DNAH2: variants seen among roughly 807,000 people sequenced by gnomAD.
The protein encoded by DNAH2 is dynein axonemal heavy chain 2, also known as axonemal beta dynein heavy chain 2.
In DNAH2, 323 loss-of-function variants were observed where a neutral mutation model predicts 523.5. The ratio of observed to expected loss-of-function variants is 0.62; its 90% CI spans 0.56 to 0.68. DNAH2 has a LOEUF of 0.68. Ranked by LOEUF, DNAH2 falls within the 30% of genes least tolerant of loss-of-function variation. DNAH2 has a pLI of 0.00. For synonymous variants in DNAH2, 2,093 were observed against 2,177.4 expected (o/e 0.96, Z 1.08); for missense variants, 4,907 against 5,701.5 (o/e 0.86, Z 4.49).
intron 5 of DNAH2, among the ~76,000 whole-genome samples, chr17:7,733,726 C>T (rs1344660567): frequency 6.6e-6 from 1 of 152,126 alleles, no homozygotes; most frequent in African/African-American, 2.4e-5. Context: ...ATCCACCCGC[C>T]TTGGCCGCCC....
Position 7,794,293 on chromosome 17 carries a change from G to A in DNAH2, c.7609G>A (p.Gly2537Arg). 6.2e-7 allele frequency: 1 copy of A among 1,609,966 alleles called. No homozygotes were observed. Among genetic ancestry groups the A allele is most frequent in the Admixed American group, 1.7e-5 (1 of 59,458 alleles). ...GGCTGCCATGGGCCCCCCTGGGGGTGGACGGACTGTCATCTCCCCAAGGCT... is the reference window on the plus strand; with the variant it reads ...GGCTGCCATGGGCCCCCCTGGGGGTAGACGGACTGTCATCTCCCCAAGGCT... ...LMAAMGPPGG[G>R]RTVISPRLRS... Residue 2537 changes from glycine (G) to arginine (R), a missense_variant, in exon 49 of 86, where the codon GGA (glycine) becomes AGA (arginine). Gly to Arg is a moderately radical substitution (Grantham distance 125). Around this residue, in one of 3 missense-constraint regions of DNAH2, gnomAD observed 250 missense variants for 371.3 expected, o/e 0.67. Coordinates refer to ENST00000572933, the MANE Select transcript of DNAH2 (RefSeq NM_020877.5).
chr17:7,787,041 A>G lies in DNAH2; in HGVS notation c.6603+8A>G, dbSNP rs1056354925. 2 of 1,613,710 alleles carry G rather than the reference A, an allele frequency of 1.2e-6. No homozygotes were observed. The highest frequency in any genetic ancestry group is 2.2e-5 in the East Asian group (1 of 44,856). ...ATCGCGATGCCCGAGCAGGTCAGGG[A>G]CGCGGCTGACTCCTGGAGGCCTGCA... is the stretch of plus-strand genomic sequence containing the variant. On this transcript the variant is annotated splice_region_variant and intron_variant, in intron 42 of 85. Transcript: ENST00000572933.
Position 7,737,055 on chromosome 17 carries a change from C to G in DNAH2, c.979-12C>G. 6.2e-7 allele frequency: 1 copy of G among 1,610,954 alleles called. No individual in the cohort carries two copies. The highest frequency in any genetic ancestry group is 2.2e-5 in the East Asian group (1 of 44,790). On this transcript the variant is annotated splice_polypyrimidine_tract_variant and intron_variant, in intron 7 of 85. Transcript: ENST00000572933. ...GTGCATAAATCTATTTCTCATCTCT[C>G]TTTACTGCCAGGATGGCTCTCGTCA... is the stretch of plus-strand genomic sequence containing the variant.
chr17:7,784,323 G>C (rs1337863771), intron 39 of DNAH2, among the ~76,000 whole-genome samples: 1 of 152,122 alleles, frequency 6.6e-6, no homozygotes, highest in Non-Finnish European at 1.5e-5. Flanking sequence ...GGATATAGAA[G>C]ATTTGAAGAA....
At chr17:7,819,570 C>T (rs910636728) in intron 72 of DNAH2, among the ~76,000 whole-genome samples, 162 bp downstream of exon 72, 1 of 152,220 alleles carries the variant, frequency 6.6e-6, no homozygotes, top group South Asian at 2.1e-4. Context: ...TAACCATCAC[C>T]TGTGGGCTGA....
chr17:7,814,866 CA>C (rs1396575440), intron 63 of DNAH2, among the ~76,000 whole-genome samples: 1 of 152,208 alleles, frequency 6.6e-6, no homozygotes, highest in African/African-American at 2.4e-5. Context: ...AACAAACAAA[CA>C]AAGTAGTTTG....
In DNAH2 at chr17:7,796,515, G is replaced by C. The variant is rs1305964659; in HGVS notation, c.7726G>C (p.Asp2576His). 1 of 1,613,764 alleles carries C rather than the reference G, an allele frequency of 6.2e-7. No individual in the cohort carries two copies. The highest frequency in any genetic ancestry group is 8.5e-7 in the Non-Finnish European group (1 of 1,179,986). Residue 2576 changes from aspartate to histidine, a missense_variant, in exon 50 of 86, where the codon GAC becomes CAC. Asp to His is a moderately conservative substitution (Grantham distance 81). This residue lies in a region of DNAH2 where 250 missense variants were observed against 371.3 expected (regional missense o/e 0.67). Coordinates refer to ENST00000572933, the MANE Select transcript of DNAH2 (RefSeq NM_020877.5). ...CACCATGATCAATCAGAAGCTTCAG[G>C]ACTTTGAGGAAGAGGTGAAGCCCAT... ...FGTMINQKLQ[D>H]FEEEVKPIGN...
chr17:7,743,510 A>G (rs889920465), intron 12 of DNAH2: 1 of 625,638 alleles, frequency 1.6e-6, no homozygotes, highest in African/African-American at 1.8e-5. Context: ...TGCAAAAAAT[A>G]CAAAGATTAG....
In DNAH2 at chr17:7,823,543, C is replaced by T. The variant is rs780308724; in HGVS notation, c.11244C>T (p.His3748=). 4.0e-5 allele frequency: 64 copies of T among 1,614,086 alleles called. 1 individual carries two copies. In the Middle Eastern group the frequency reaches 4.9e-4, roughly 12 times the overall value. The stretch of plus-strand genomic sequence containing the variant: ...AGCTAGACAAACTGACCAACTTCCA[C>T]GGACTCATGAACTCCTTTGAGCAGT... ...ITELDKLTNF[H]GLMNSFEQYP... Residue 3748 remains histidine, a synonymous_variant, in exon 74 of 86, where the codon CAC becomes CAT. Coordinates refer to ENST00000572933, the MANE Select transcript of DNAH2 (RefSeq NM_020877.5).
intron 77 of DNAH2, among the ~76,000 whole-genome samples, chr17:7,830,072 C>T (rs1390781722): frequency 6.6e-6 from 1 of 150,388 alleles, no homozygotes; most frequent in African/African-American, 2.5e-5. Flanking sequence ...GAAGGCAGGG[C>T]TGCCGCAAGC....
In DNAH2 at chr17:7,805,265, T is replaced by G; in HGVS notation, c.9314T>G (p.Leu3105Arg). 1 of 1,614,186 alleles carries G rather than the reference T, an allele frequency of 6.2e-7. No homozygotes were observed. The highest frequency in any genetic ancestry group is 8.5e-7 in the Non-Finnish European group (1 of 1,180,038). The change falls in exon 61 of 86, where the codon CTG (leucine) becomes CGG (arginine). Residue 3105 changes from leucine to arginine, a missense_variant. Transcript: ENST00000572933. ...LEEAMRALES[L>R]NKKDIGEIKS... ...CTTTTCCCCCAGGCCCTGGAGTCTC[T>G]GAACAAGAAGGATATAGGAGAGATC...
chr17:7,770,855 C>T lies in DNAH2; in HGVS notation c.4284C>T (p.His1428=). ...FVKAFEKDVD[H]WERCLSLILE... ...AGGCCTTTGAGAAGGATGTGGACCA[C>T]TGGGAACGCTGCCTCTCCCTCATTT... The change falls in exon 27 of 86, where the codon CAC becomes CAT. Residue 1428 remains histidine (H), a synonymous_variant. Coordinates refer to ENST00000572933, the MANE Select transcript of DNAH2 (RefSeq NM_020877.5). 1 of 1,614,208 alleles carries T rather than the reference C, an allele frequency of 6.2e-7. No individual in the cohort carries two copies. Among genetic ancestry groups the T allele is most frequent in the South Asian group, 1.1e-5 (1 of 91,080 alleles).
rs201851982 is a variant in DNAH2, at chr17:7,786,152, G to A, written c.6158G>A (p.Arg2053Gln). Residue 2053 changes from arginine (R) to glutamine (Q), a missense_variant, in exon 40 of 86, where the codon CGA (arginine) becomes CAA (glutamine). Arg to Gln is a conservative substitution (Grantham distance 43). Coordinates refer to ENST00000572933, the MANE Select transcript of DNAH2 (RefSeq NM_020877.5). The surrounding 1 kb of genome is among the most constrained non-coding windows in gnomAD (Gnocchi z 7.5). The part of the protein sequence containing the change: ...KLRETVEQEI[R>Q]DMGLQSTPFT... The stretch of plus-strand genomic sequence containing the variant: ...CGGGAGACCGTTGAGCAGGAGATTC[G>A]AGACATGGGCCTGCAAAGCACGCCG... 41 of 1,613,674 alleles carry A rather than the reference G, an allele frequency of 2.5e-5. No individual in the cohort carries two copies. In the South Asian group the frequency reaches 2.9e-4, roughly 11 times the overall value.
At chr17:7,722,507 T>C (rs1412099654) in intron 2 of DNAH2, among the ~76,000 whole-genome samples, 1 of 152,182 alleles carries the variant, frequency 6.6e-6, no homozygotes, top group Non-Finnish European at 1.5e-5. Flanking sequence ...CTCCTATATC[T>C]TTACTTGTAA....
rs1447981195 is a variant in DNAH2, at chr17:7,778,187, C to T, written c.5351+7C>T. 6.2e-7 allele frequency: 1 copy of T among 1,614,194 alleles called. No individual in the cohort carries two copies. Among genetic ancestry groups the T allele is most frequent in the East Asian group, 2.2e-5 (1 of 44,890 alleles). On this transcript the variant is annotated splice_region_variant and intron_variant, in intron 34 of 85. Transcript: ENST00000572933. Reference sequence around the variant, plus strand: ...TCACCCCCCTGACGGACAGGTCTGCCATGTGGGATGAATGAGGTGGCTGGG... The same window carrying T: ...TCACCCCCCTGACGGACAGGTCTGCTATGTGGGATGAATGAGGTGGCTGGG...
At chr17:7,733,701 A>G (rs564086607) in intron 5 of DNAH2, among the ~76,000 whole-genome samples, 1 of 151,626 alleles carries the variant, frequency 6.6e-6, no homozygotes, top group Admixed American at 6.6e-5. Context: ...CTGGTCTCGA[A>G]CTCCTGACCT....
At chr17:7,723,976 CA>C (rs1168183281) in intron 3 of DNAH2, among the ~76,000 whole-genome samples, 1 of 152,166 alleles carries the variant, frequency 6.6e-6, no homozygotes, top group African/African-American at 2.4e-5. Context: ...AACACCTGAA[CA>C]AGTTGAATGA....
At chr17:7,761,283 G>C (rs2075997407) in intron 18 of DNAH2, among the ~76,000 whole-genome samples, 1 of 152,102 alleles carries the variant, frequency 6.6e-6, no homozygotes, top group African/African-American at 2.4e-5. Flanking sequence ...TATTTTGTTT[G>C]AGACAGGATC....
At chr17:7,796,711 C>T (rs1479251991) in intron 50 of DNAH2, 59 bp downstream of exon 50, 2 of 1,550,804 alleles carry the variant, frequency 1.3e-6, no homozygotes, top group Non-Finnish European at 8.7e-7. Flanking sequence ...GAGGCTTTCT[C>T]TTCTCAAACT....
Sources: allele counts gnomAD v4.1 joint callset (sites outside exome capture counted in the v4.1 genomes callset), GRCh38; gene constraint gnomAD v4.1.1; regional missense constraint gnomAD v4.1.1; non-coding constraint Gnocchi (gnomAD v3.1); transcripts MANE v1.5; gene names NCBI Gene and HGNC (gene_info 2026-07-23, HGNC 2026-07-21).